The following ASIC2 variants were observed in gnomAD, a reference collection of about 807,000 sequenced individuals.
ASIC2 encodes acid-sensing ion channel 2.
ASIC2 carries 25 observed loss-of-function variants against 57.3 expected under a neutral mutation model. That is an observed-to-expected ratio of 0.44 (90% CI 0.32 to 0.61). ASIC2 has a LOEUF of 0.61. Ranked by LOEUF, ASIC2 falls within the 20% of genes least tolerant of loss-of-function variation. The probability of loss-of-function intolerance (pLI) is 0.06; values close to 1 mark genes in which losing one functional copy is unlikely to be tolerated. For missense variants in ASIC2, 641 were observed against 738.1 expected (o/e 0.87, Z 1.52); for synonymous variants, 319 against 307.5 (o/e 1.04, Z -0.39).
intron 1 of ASIC2, among the ~76,000 whole-genome samples, chr17:33,357,575 T>G (rs1309487367): frequency 6.6e-6 from 1 of 152,108 alleles, no homozygotes; most frequent in Non-Finnish European, 1.5e-5. Context: ...GGTAAGGACG[T>G]GTTACCAATC....
chr17:33,409,795 G>A (rs17184951), intron 1 of ASIC2, among the ~76,000 whole-genome samples: 14,616 of 152,240 alleles, frequency 0.096, 820 homozygotes, highest in Non-Finnish European at 0.13. Context: ...CTGGCTTTAG[G>A]AACAACTGAT....
chr17:33,015,655 G>A (rs909364852), intron 9 of ASIC2, among the ~76,000 whole-genome samples: 5 of 152,220 alleles, frequency 3.3e-5, no homozygotes, highest in Admixed American at 1.3e-4. Context: ...TACAGAGCCT[G>A]TCCAGTTCTC....
At chr17:33,782,454 G>A (rs1911482182) in intron 1 of ASIC2, among the ~76,000 whole-genome samples, 1 of 151,106 alleles carries the variant, frequency 6.6e-6, no homozygotes, top group Non-Finnish European at 1.5e-5. Flanking sequence ...AAGCTGGCCA[G>A]GCATGGTGGC....
At chr17:34,153,734 G>C (rs542435317) in intron 1 of ASIC2, among the ~76,000 whole-genome samples, 1 of 152,250 alleles carries the variant, frequency 6.6e-6, no homozygotes, top group East Asian at 1.9e-4. Context: ...TCAATGATGG[G>C]GAAGGTCACA....
chr17:33,640,924 C>G, intron 1 of ASIC2, among the ~76,000 whole-genome samples: 1 of 152,256 alleles, frequency 6.6e-6, no homozygotes, highest in East Asian at 1.9e-4. Flanking sequence ...GGGCTGGCTA[C>G]GCAAGACACT....
intron 1 of ASIC2, among the ~76,000 whole-genome samples, chr17:33,996,874 T>G (rs535370042): frequency 3.2e-4 from 49 of 152,356 alleles, no homozygotes; most frequent in African/African-American, 1.2e-3. Context: ...TTAGGGTTGT[T>G]TGTTCTAATT....
At chr17:34,019,699 G>A (rs1460386027) in intron 1 of ASIC2, among the ~76,000 whole-genome samples, 1 of 152,176 alleles carries the variant, frequency 6.6e-6, no homozygotes, top group Non-Finnish European at 1.5e-5. Context: ...TATGCACTGA[G>A]GAACCAAGAA....
chr17:33,328,336 T>C lies in ASIC2; in HGVS notation c.556-216269A>G, dbSNP rs554274228. On this transcript the variant is annotated intron_variant, in intron 1 of 9. Coordinates refer to the ASIC2 transcript ENST00000359872. Reference sequence around the variant, plus strand: ...TGGAGGGTGCTGGCCATGGTGCTGATGGAGCCATTGAGTTGGCAAAGGTAG... The same window carrying C: ...TGGAGGGTGCTGGCCATGGTGCTGACGGAGCCATTGAGTTGGCAAAGGTAG... Among the ~76,000 whole-genome samples, 3 of 152,256 alleles carry C rather than the reference T, an allele frequency of 2.0e-5. No individual in the cohort carries two copies. In the East Asian group the frequency reaches 5.8e-4, roughly 29 times the overall value.
At chr17:33,876,962 A>C (rs1914562171) in intron 1 of ASIC2, among the ~76,000 whole-genome samples, 1 of 152,226 alleles carries the variant, frequency 6.6e-6, no homozygotes, top group East Asian at 1.9e-4. Flanking sequence ...TGTTATTTCT[A>C]AGCTCACAAA....
At chr17:33,555,108 C>G (rs1376282962) in intron 1 of ASIC2, among the ~76,000 whole-genome samples, 2 of 152,176 alleles carry the variant, frequency 1.3e-5, no homozygotes, top group Admixed American at 1.3e-4. Context: ...CATGTCTCTT[C>G]CGGGTTTCAC....
chr17:33,262,155 A>G (rs934115159), intron 1 of ASIC2, among the ~76,000 whole-genome samples: 17 of 152,170 alleles, frequency 1.1e-4, no homozygotes, highest in Non-Finnish European at 1.6e-4. Context: ...TGCTGCTTCA[A>G]AAGACTGCCC....
intron 1 of ASIC2, among the ~76,000 whole-genome samples, chr17:33,429,348 G>T (rs1911323584): frequency 6.6e-6 from 1 of 152,106 alleles, no homozygotes; most frequent in African/African-American, 2.4e-5. Flanking sequence ...CAGAGGAGAA[G>T]TACCTTGTTC....
At chr17:33,754,557 T>C (rs1238726419) in intron 1 of ASIC2, among the ~76,000 whole-genome samples, 1 of 152,172 alleles carries the variant, frequency 6.6e-6, no homozygotes, top group African/African-American at 2.4e-5. Flanking sequence ...ATCTAATTCA[T>C]GCTGTTGTTC....
chr17:34,048,086 C>A (rs368516484), intron 1 of ASIC2, among the ~76,000 whole-genome samples: 1 of 152,144 alleles, frequency 6.6e-6, no homozygotes, highest in South Asian at 2.1e-4. Context: ...TTCTAGTGAA[C>A]GGAAGCCCAT....
chr17:33,561,175 AC>A (rs1916062416), intron 1 of ASIC2, among the ~76,000 whole-genome samples: 1 of 152,144 alleles, frequency 6.6e-6, no homozygotes, highest in African/African-American at 2.4e-5. Flanking sequence ...AATTCTTTCC[AC>A]TTCCCCACTC....
chr17:33,492,531 T>C (rs1005618783), intron 1 of ASIC2, among the ~76,000 whole-genome samples: 1 of 152,232 alleles, frequency 6.6e-6, no homozygotes, highest in Non-Finnish European at 1.5e-5. Context: ...AATCACACTC[T>C]GAATCTTTGG....
At chr17:33,786,503 T>C (rs1311497228) in intron 1 of ASIC2, among the ~76,000 whole-genome samples, 1 of 152,228 alleles carries the variant, frequency 6.6e-6, no homozygotes, top group Non-Finnish European at 1.5e-5. Flanking sequence ...ATTTTACATA[T>C]AAAGGACATT....
chr17:33,323,789 A>T (rs1655184501), intron 1 of ASIC2, among the ~76,000 whole-genome samples: 1 of 152,218 alleles, frequency 6.6e-6, no homozygotes, highest in Non-Finnish European at 1.5e-5. Flanking sequence ...ATCTTTATAT[A>T]AGGTACAAAA....
In ASIC2 at chr17:33,204,976, A is replaced by G. The variant is rs1907008221; in HGVS notation, c.708+86432T>C. Among the ~76,000 whole-genome samples, 3 of 152,252 alleles carry G rather than the reference A, an allele frequency of 2.0e-5. No homozygotes were observed. The South Asian group carries it at 6.2e-4, about 31-fold the overall frequency. The stretch of plus-strand genomic sequence containing the variant: ...TCAGAAGAGTCTACTTGAATGGACT[A>G]TTCAGTTACATGACCTGATAAGGTC... On this transcript the variant is annotated intron_variant, in intron 1 of 9. Transcript: ENST00000225823.
Sources: gnomAD v4.1 joint callset for allele counts (sites outside exome capture counted in the v4.1 genomes callset) on GRCh38, gnomAD v4.1.1 for gene constraint, MANE v1.5 for transcripts, NCBI Gene and HGNC (gene_info 2026-07-23, HGNC 2026-07-21) for gene names.